The following PTPRD variants were observed in gnomAD, a reference collection of about 807,000 sequenced individuals.
PTPRD encodes receptor-type tyrosine-protein phosphatase delta.
In PTPRD, 34 loss-of-function variants were observed where a neutral mutation model predicts 214.5. That is an observed-to-expected ratio of 0.16 (90% CI 0.12 to 0.21). The LOEUF (loss-of-function observed/expected upper bound fraction) is 0.21. PTPRD is among the 10% of genes least tolerant of loss of function. The pLI is 1.00. For synonymous variants in PTPRD, 1,128 were observed against 845.7 expected (o/e 1.33, Z -5.79); for missense variants, 2,545 against 2,398.7 (o/e 1.06, Z -1.27).
At chr9:10,114,556 C>T (rs2098715491) in intron 3 of PTPRD, among the ~76,000 whole-genome samples, 1 of 151,788 alleles carries the variant, frequency 6.6e-6, no homozygotes, top group Non-Finnish European at 1.5e-5. Flanking sequence ...TATATATGTG[C>T]ATATATATGC....
At chr9:9,768,956 A>C (rs576835425) in intron 5 of PTPRD, among the ~76,000 whole-genome samples, 52 of 152,306 alleles carry the variant, frequency 3.4e-4, no homozygotes, top group African/African-American at 1.2e-3. Flanking sequence ...GATTAAGGTT[A>C]CTTGTTCTGA....
intron 11 of PTPRD, among the ~76,000 whole-genome samples, chr9:8,885,483 A>G (rs1226069611): frequency 7.0e-6 from 1 of 142,308 alleles, no homozygotes; most frequent in African/African-American, 2.6e-5. Flanking sequence ...TATACCACAC[A>G]GCCTCTTTTT....
chr9:10,309,964 C>T (rs181211147), intron 3 of PTPRD, among the ~76,000 whole-genome samples: 41 of 152,084 alleles, frequency 2.7e-4, no homozygotes, highest in East Asian at 9.7e-4. Flanking sequence ...TGTCATAAAA[C>T]TTTTAATGAA....
At chr9:8,687,960 A>G (rs1417979905) in intron 12 of PTPRD, among the ~76,000 whole-genome samples, 1 of 152,224 alleles carries the variant, frequency 6.6e-6, no homozygotes, top group East Asian at 1.9e-4. Flanking sequence ...ATTGAGTTAT[A>G]TCACTTTTAC....
chr9:8,914,479 G>A (rs2098770807), intron 11 of PTPRD, among the ~76,000 whole-genome samples: 1 of 152,076 alleles, frequency 6.6e-6, no homozygotes, highest in Non-Finnish European at 1.5e-5. Flanking sequence ...CACTATGATT[G>A]TTTATTTAAA....
At chr9:10,441,143 C>T (rs2098755667) in intron 2 of PTPRD, among the ~76,000 whole-genome samples, 1 of 151,670 alleles carries the variant, frequency 6.6e-6, no homozygotes, top group East Asian at 1.9e-4. Flanking sequence ...TTGCTCTCTC[C>T]TAGTCCACCA....
At chr9:10,576,847 T>C (rs115929212) in intron 2 of PTPRD, among the ~76,000 whole-genome samples, 5,300 of 152,258 alleles carry the variant, frequency 0.035, 323 homozygotes, top group African/African-American at 0.12. Flanking sequence ...AAATACATCA[T>C]TGTTAACAAG....
chr9:10,110,755 C>G (rs111532844), intron 3 of PTPRD, among the ~76,000 whole-genome samples: 1 of 152,146 alleles, frequency 6.6e-6, no homozygotes, highest in African/African-American at 2.4e-5. Flanking sequence ...ACAGAAATAG[C>G]TCCTGGCTAA....
chr9:8,649,355 C>T (rs983965199), intron 12 of PTPRD, among the ~76,000 whole-genome samples: 1 of 152,208 alleles, frequency 6.6e-6, no homozygotes, highest in Non-Finnish European at 1.5e-5. Context: ...CCACAACTTA[C>T]AAAAACATAG....
intron 5 of PTPRD, among the ~76,000 whole-genome samples, chr9:9,824,905 A>T (rs1429953850): frequency 1.3e-5 from 2 of 152,012 alleles, no homozygotes. Context: ...ACTGTGAATT[A>T]AGACAAAGCA....
chr9:9,189,753 C>G (rs886887455), intron 9 of PTPRD, among the ~76,000 whole-genome samples: 1 of 152,000 alleles, frequency 6.6e-6, no homozygotes, highest in Non-Finnish European at 1.5e-5. Flanking sequence ...AAATCAAAAT[C>G]TGGCTCTTTA....
Position 8,316,222 on chromosome 9 carries a change from A to G in PTPRD, c.*1652T>C, listed in dbSNP as rs1391402964. Reference sequence around the variant, plus strand: ...AACTAGGAATGCATATTATTCAAAGAGTTTTTGTACATGTGGTAAACAGAT... The same window carrying G: ...AACTAGGAATGCATATTATTCAAAGGGTTTTTGTACATGTGGTAAACAGAT... On this transcript the variant is annotated 3_prime_UTR_variant, in exon 46 of 46. Transcript: ENST00000381196. The G allele has an allele frequency of 8.7e-6, 2 of 230,004 alleles. No homozygotes were observed. Among genetic ancestry groups the G allele is most frequent in the Non-Finnish European group, 1.7e-5 (2 of 115,860 alleles). 14.2% of individuals were successfully genotyped at this position (230,004 alleles called of 1,614,324 possible).
intron 10 of PTPRD, among the ~76,000 whole-genome samples, chr9:9,080,197 A>T (rs1477058925): frequency 2.0e-5 from 3 of 152,064 alleles, no homozygotes; most frequent in South Asian, 4.1e-4. Flanking sequence ...TGATGTCTAG[A>T]GAGTTTATAC....
chr9:9,544,522 T>G (rs2078326532), intron 8 of PTPRD, among the ~76,000 whole-genome samples: 1 of 151,644 alleles, frequency 6.6e-6, no homozygotes, highest in African/African-American at 2.4e-5. Context: ...GCAATGATGC[T>G]AAAAGCAGTT....
intron 3 of PTPRD, among the ~76,000 whole-genome samples, chr9:10,161,502 G>A (rs1419760303): frequency 1.3e-5 from 2 of 151,662 alleles, no homozygotes; most frequent in Non-Finnish European, 3.0e-5. Context: ...CATAGGTACA[G>A]GAATTAAACT....
intron 11 of PTPRD, among the ~76,000 whole-genome samples, chr9:8,744,489 C>T (rs894550819): frequency 6.6e-6 from 1 of 152,214 alleles, no homozygotes; most frequent in South Asian, 2.1e-4. Context: ...GAAATAATGG[C>T]ATTTGCAGCA....
At chr9:9,353,122 C>T (rs887400876) in intron 9 of PTPRD, among the ~76,000 whole-genome samples, 7 of 151,896 alleles carry the variant, frequency 4.6e-5, no homozygotes, top group Admixed American at 1.3e-4. Context: ...AGTTCAGGCT[C>T]GGTCAAAAGA....
chr9:9,732,254 T>C (rs1261376530), intron 7 of PTPRD, among the ~76,000 whole-genome samples: 2 of 152,096 alleles, frequency 1.3e-5, no homozygotes, highest in Non-Finnish European at 2.9e-5. Flanking sequence ...AGATTGCTTT[T>C]GGATAACTGT....
intron 30 of PTPRD, among the ~76,000 whole-genome samples, chr9:8,479,792 C>T (rs905610504): frequency 4.0e-5 from 6 of 151,720 alleles, no homozygotes; most frequent in African/African-American, 1.2e-4. Flanking sequence ...ATACTATTTT[C>T]CTCTTTCAAC....
Sources: gnomAD v4.1 joint callset for allele counts (sites outside exome capture counted in the v4.1 genomes callset) on GRCh38, gnomAD v4.1.1 for gene constraint, MANE v1.5 for transcripts, NCBI Gene and HGNC (gene_info 2026-07-23, HGNC 2026-07-21) for gene names.